Variants in EFL1 observed in about 807,000 individuals in gnomAD.
EFL1 encodes the protein elongation factor like GTPase 1.
Under a neutral mutation model 126.7 loss-of-function variants are expected in EFL1, and 76 were observed. The observed-to-expected ratio is 0.60, with a 90% CI of 0.50 to 0.73. The LOEUF is 0.73. Among genes scored for constraint, EFL1 ranks in the 30% least tolerant of loss-of-function variants. EFL1 has a pLI of 0.00. For synonymous variants in EFL1, 410 were observed against 448.4 expected (o/e 0.91, Z 1.08); for missense variants, 1,128 against 1,343.2 (o/e 0.84, Z 2.50).
chr15:82,225,079 C>T (rs779265993), intron 12 of EFL1, 86 bp downstream of exon 12: 34 of 962,424 alleles, frequency 3.5e-5, no homozygotes, highest in South Asian at 5.7e-5. Context: ...AAGCATTATC[C>T]GTGCCCCCCC....
At chr15:82,219,963 A>C (rs2074692571) in intron 13 of EFL1, 115 bp downstream of exon 13, 20 of 1,494,406 alleles carry the variant, frequency 1.3e-5, no homozygotes, top group Middle Eastern at 2.2e-4. Context: ...AATGGAAAGA[A>C]TATTGATAAA....
At chr15:82,177,558 T>C (rs1468497249) in intron 15 of EFL1, among the ~76,000 whole-genome samples, 1 of 152,222 alleles carries the variant, frequency 6.6e-6, no homozygotes, top group Admixed American at 6.5e-5. Context: ...CTCTGGCTCC[T>C]GACATTGTGG....
At chr15:82,226,987 T>C (rs1367820230) in intron 11 of EFL1, among the ~76,000 whole-genome samples, 1 of 152,206 alleles carries the variant, frequency 6.6e-6, no homozygotes, top group Non-Finnish European at 1.5e-5. Context: ...CGTCAAATGC[T>C]AGTGACAGAT....
chr15:82,130,388 G>T lies in EFL1; in HGVS notation c.3348C>A (p.Leu1116=), dbSNP rs568411845. The change falls in exon 20 of 20, where the codon CTC becomes CTA. Residue 1116 remains leucine (L), a synonymous_variant. Transcript: ENST00000268206. Reference sequence around the variant, plus strand: ...TAGTAGGTAGCTACTTATTTTTGCTGAGTGTCCTCTGCTTTTCTGCATGCT... The same window carrying T: ...TAGTAGGTAGCTACTTATTTTTGCTTAGTGTCCTCTGCTTTTCTGCATGCT... ...IVEHAEKQRT[L]SKNK 17 of 1,613,676 alleles carry T rather than the reference G, an allele frequency of 1.1e-5. 1 individual carries two copies. Among genetic ancestry groups the T allele is most frequent in the Middle Eastern group, 1.7e-4 (1 of 6,058 alleles).
chr15:82,230,852 T>C lies in EFL1; in HGVS notation c.851A>G (p.Asp284Gly), dbSNP rs1192126431. 6.2e-7 allele frequency: 1 copy of C among 1,610,462 alleles called. No individual in the cohort carries two copies. ...NMKAKKIMKG[D>G]QAKGKKPLFV... ...AAGGGACATATACCACATTACCTGA[T>C]CACCCTTCATGATCTTTTTAGCCTT... Residue 284 changes from aspartate (D) to glycine (G), a missense_variant, in exon 8 of 20, where the codon GAT (aspartate) becomes GGT (glycine). Asp to Gly is a moderately conservative substitution (Grantham distance 94). This residue lies in a region of EFL1 where 316 missense variants were observed against 318.5 expected (regional missense o/e 0.99). Coordinates refer to ENST00000268206, the MANE Select transcript of EFL1 (RefSeq NM_024580.6).
rs113858293 is a variant in EFL1, at chr15:82,213,589, C to T, written c.1750+1128G>A. On this transcript the variant is annotated intron_variant, in intron 15 of 19. Transcript: ENST00000268206. ...TAGAGAAGATCGTATAAAAACCATTCACTCAGCAGAATGCCTTTTCTTTCC... is the reference window on the plus strand; with the variant it reads ...TAGAGAAGATCGTATAAAAACCATTTACTCAGCAGAATGCCTTTTCTTTCC... 3.4e-3 allele frequency among the ~76,000 whole-genome samples: 512 copies of T among 152,314 alleles called. 5 individuals carry two copies. Among genetic ancestry groups the T allele is most frequent in the African/African-American group, 0.012 (492 of 41,566 alleles).
chr15:82,210,348 G>C lies in EFL1; in HGVS notation c.1750+4369C>G, dbSNP rs192570044. ...GTGGGGCTGAAGGCTTTGAAGGCTAGGTCATAAAAGGTGATATACCTTCCT... is the reference window on the plus strand; with the variant it reads ...GTGGGGCTGAAGGCTTTGAAGGCTACGTCATAAAAGGTGATATACCTTCCT... On this transcript the variant is annotated intron_variant, in intron 15 of 19. Transcript: ENST00000268206. Among the ~76,000 whole-genome samples, 551 of 152,256 alleles carry C rather than the reference G, an allele frequency of 3.6e-3. 2 individuals carry two copies. Among genetic ancestry groups the C allele is most frequent in the Non-Finnish European group, 5.9e-3 (399 of 68,022 alleles).
intron 15 of EFL1, among the ~76,000 whole-genome samples, chr15:82,201,367 G>A (rs570851495): frequency 6.6e-6 from 1 of 152,202 alleles, no homozygotes; most frequent in Admixed American, 6.5e-5. Flanking sequence ...AGGAGAGGGG[G>A]ACTTTCTTCC....
intron 19 of EFL1, among the ~76,000 whole-genome samples, chr15:82,138,259 A>AT (rs374866072): frequency 1.1e-4 from 17 of 151,712 alleles, no homozygotes; most frequent in East Asian, 7.7e-4. Context: ...TACTGGAGAT[A>AT]TTTTTTTTTC....
chr15:82,211,542 A>C (rs1230684753), intron 15 of EFL1, among the ~76,000 whole-genome samples: 2 of 94,218 alleles, frequency 2.1e-5, no homozygotes. Context: ...AAAAAAAAAA[A>C]TCTATATACA....
chr15:82,211,549 TACACAC>T (rs35812924), intron 15 of EFL1, among the ~76,000 whole-genome samples: 27 of 94,364 alleles, frequency 2.9e-4, no homozygotes, highest in East Asian at 1.0e-3. Context: ...AAAATCTATA[TACACAC>T]ACACACACAC....
In EFL1 at chr15:82,187,394, T is replaced by C. The variant is rs949121015; in HGVS notation, c.1751-23410A>G. 2.0e-5 allele frequency among the ~76,000 whole-genome samples: 3 copies of C among 152,212 alleles called. No individual in the cohort carries two copies. In the South Asian group the frequency reaches 6.2e-4, roughly 32 times the overall value. On this transcript the variant is annotated intron_variant, in intron 15 of 19. Transcript: ENST00000268206. The stretch of plus-strand genomic sequence containing the variant: ...TTTCTACTTTGCTCTAAGAGTGACT[T>C]AGGAGATTGTATTTTAATATCTAGC...
chr15:82,194,230 C>G (rs1177776357), intron 15 of EFL1, among the ~76,000 whole-genome samples: 1 of 152,162 alleles, frequency 6.6e-6, no homozygotes, highest in Non-Finnish European at 1.5e-5. Flanking sequence ...CCATTCTAGA[C>G]TAGACCAAAT....
intron 4 of EFL1, among the ~76,000 whole-genome samples, chr15:82,246,940 T>C (rs1464297023): frequency 1.3e-5 from 2 of 152,114 alleles, no homozygotes; most frequent in Non-Finnish European, 1.5e-5. Flanking sequence ...CTTGAGAACC[T>C]AGCCCAAATG....
intron 19 of EFL1, among the ~76,000 whole-genome samples, chr15:82,136,869 T>G (rs1482449770): frequency 1.3e-5 from 2 of 152,124 alleles, no homozygotes; most frequent in Non-Finnish European, 2.9e-5. Context: ...AGCAAAGCCA[T>G]CAAAACACCA....
At chr15:82,259,714 T>C (rs2075096497) in intron 2 of EFL1, among the ~76,000 whole-genome samples, 1 of 152,222 alleles carries the variant, frequency 6.6e-6, no homozygotes, top group South Asian at 2.1e-4. Context: ...TTATGTGATA[T>C]AAACAGGTGA....
At chr15:82,140,347 T>G (rs780509037) in intron 18 of EFL1, among the ~76,000 whole-genome samples, 5 of 152,158 alleles carry the variant, frequency 3.3e-5, no homozygotes, top group Non-Finnish European at 7.3e-5. Flanking sequence ...CCCCCAATTT[T>G]CATTCTCTGT....
intron 14 of EFL1, among the ~76,000 whole-genome samples, chr15:82,217,939 G>A (rs1358104643): frequency 6.6e-6 from 1 of 152,178 alleles, no homozygotes. Context: ...ACTGTAGGTG[G>A]CCTCTAGGAG....
At chr15:82,156,616 A>C (rs912229616) in intron 17 of EFL1, among the ~76,000 whole-genome samples, 2 of 145,210 alleles carry the variant, frequency 1.4e-5, no homozygotes, top group African/African-American at 2.8e-5. Flanking sequence ...TATTAGTACC[A>C]GGTGTTGTTG....
Sources: gnomAD v4.1 joint callset for allele counts (sites outside exome capture counted in the v4.1 genomes callset) on GRCh38, gnomAD v4.1.1 for gene constraint, gnomAD v4.1.1 regional missense constraint, MANE v1.5 for transcripts, NCBI Gene and HGNC (gene_info 2026-07-23, HGNC 2026-07-21) for gene names.